The following RNF115 variants were observed in gnomAD, a reference collection of about 807,000 sequenced individuals.
RNF115 encodes ring finger protein 115.
RNF115 carries 31 observed loss-of-function variants against 39.2 expected under a neutral mutation model. The ratio of observed to expected loss-of-function variants is 0.79; its 90% CI spans 0.59 to 1.07. The LOEUF is 1.07. RNF115 is among the 50% of genes least tolerant of loss of function. RNF115 has a pLI of 0.00. For synonymous variants in RNF115, 124 were observed against 131.0 expected, an observed-to-expected ratio of 0.95 and a Z score of 0.37; for missense variants, 384 against 381.7, an observed-to-expected ratio of 1.01 and a Z score of -0.05.
At chr1:145,764,330 C>T (rs1276523310) in intron 4 of RNF115, among the ~76,000 whole-genome samples, 1 of 152,174 alleles carries the variant, frequency 6.6e-6, no homozygotes, top group African/African-American at 2.4e-5. Context: ...TCTGCCTGGC[C>T]GACACCCCGT....
chr1:145,767,060 G>A (rs1445520458), intron 4 of RNF115, among the ~76,000 whole-genome samples: 1 of 145,498 alleles, frequency 6.9e-6, no homozygotes, highest in Non-Finnish European at 1.5e-5. Context: ...GCGGCTGGCA[G>A]GGCAGGGGGC....
intron 4 of RNF115, among the ~76,000 whole-genome samples, chr1:145,757,269 G>T (rs587688970): frequency 6.6e-6 from 1 of 152,218 alleles, no homozygotes; most frequent in South Asian, 2.1e-4. Flanking sequence ...GACCTTATCA[G>T]GGTTAGGACT....
chr1:145,773,700 T>C (rs587687770), intron 3 of RNF115: 2 of 152,200 alleles, frequency 1.3e-5, no homozygotes, highest in East Asian at 3.9e-4. Flanking sequence ...TAGTTTCTCA[T>C]CCACAATAGC....
At chr1:145,803,600 C>T (rs1422421453) in intron 1 of RNF115, among the ~76,000 whole-genome samples, 2 of 152,204 alleles carry the variant, frequency 1.3e-5, no homozygotes, top group East Asian at 1.9e-4. Context: ...ATTGGCCAGG[C>T]TGGTGTTGAA....
intron 2 of RNF115, among the ~76,000 whole-genome samples, chr1:145,785,816 A>G (rs1375441515): frequency 1.3e-5 from 2 of 152,226 alleles, no homozygotes; most frequent in Non-Finnish European, 2.9e-5. Context: ...CCTGATAAGA[A>G]ACCATTTAAT....
At chr1:145,821,303 T>TA (rs1250647391) in intron 1 of RNF115, among the ~76,000 whole-genome samples, 2 of 131,028 alleles carry the variant, frequency 1.5e-5, no homozygotes, top group African/African-American at 5.2e-5. Flanking sequence ...ACAAATAATA[T>TA]ATCACACCAA....
intron 4 of RNF115, among the ~76,000 whole-genome samples, chr1:145,754,000 C>T (rs187162539): frequency 2.8e-4 from 43 of 152,250 alleles, no homozygotes; most frequent in African/African-American, 8.4e-4. Flanking sequence ...TGAGCCACCA[C>T]GCCCAGCAAT....
At chr1:145,791,643 TA>T (rs1391369217) in intron 1 of RNF115, among the ~76,000 whole-genome samples, 5 of 152,146 alleles carry the variant, frequency 3.3e-5, no homozygotes, top group African/African-American at 7.2e-5. Context: ...AAACAAGACC[TA>T]ACAATTCTCA....
Position 145,746,330 on chromosome 1 carries a change from T to C in RNF115, c.*536A>G, listed in dbSNP as rs964850472. Reference sequence around the variant, plus strand: ...TTTTCTTTGATTTGCTCTCTGGGGATCAAGACAAAACAAAATCATTAGTCT... The same window carrying C: ...TTTTCTTTGATTTGCTCTCTGGGGACCAAGACAAAACAAAATCATTAGTCT... On this transcript the variant is annotated 3_prime_UTR_variant, in exon 9 of 9. Transcript: ENST00000582693. 3 of 152,036 alleles carry C rather than the reference T, an allele frequency of 2.0e-5. No homozygotes were observed. The highest frequency in any genetic ancestry group is 7.2e-5 in the African/African-American group (3 of 41,406). The allele number at this position is 152,036 out of a possible 1,614,324, so 9.4% of individuals were successfully genotyped here.
At chr1:145,751,169 C>T (rs1658072714) in intron 6 of RNF115, among the ~76,000 whole-genome samples, 1 of 152,126 alleles carries the variant, frequency 6.6e-6, no homozygotes, top group South Asian at 2.1e-4. Flanking sequence ...GCAAGAGAGA[C>T]AAAAATACAA....
rs1034880325 is a variant in RNF115 at position 145,739,985 on chromosome 1, G to A, written c.*6881C>T. On this transcript the variant is annotated 3_prime_UTR_variant, in exon 9 of 9. Coordinates refer to ENST00000582693, the MANE Select transcript of RNF115 (RefSeq NM_014455.4). ...AATTGTTCTGAGAATCAAAATGAGA[G>A]TCTGGATTTGGGACCTAGAGCCATT... 1.3e-5 allele frequency: 2 copies of A among 152,198 alleles called. No individual in the cohort carries two copies. Among genetic ancestry groups the A allele is most frequent in the Non-Finnish European group, 2.9e-5 (2 of 68,030 alleles). The allele number at this position is 152,198 out of a possible 1,614,324, so 9.4% of individuals were successfully genotyped here. A position where few individuals can be genotyped will look rare whatever the true frequency, so the allele number is the denominator to read the frequency against.
In RNF115 at chr1:145,819,215, C is replaced by G. The variant is rs1284854467; in HGVS notation, c.102+4557G>C. ...CTTTGGGAGGCAAAGGCAGGCGGAT[C>G]GCTTGAGCCTAGGAGTTCAAGACCA... On this transcript the variant is annotated intron_variant, in intron 1 of 8. Coordinates refer to ENST00000582693, the MANE Select transcript of RNF115 (RefSeq NM_014455.4). 2.8e-5 allele frequency among the ~76,000 whole-genome samples: 4 copies of G among 142,736 alleles called. No homozygotes were observed. In the East Asian group the frequency reaches 8.7e-4, roughly 31 times the overall value. 93.6% of individuals were successfully genotyped at this position (142,736 alleles called of 152,430 possible).
intron 4 of RNF115, among the ~76,000 whole-genome samples, chr1:145,761,353 G>A (rs1553713805): frequency 6.6e-6 from 1 of 152,190 alleles, no homozygotes; most frequent in East Asian, 1.9e-4. Flanking sequence ...TCCCATCACA[G>A]GCCCAGAGAC....
rs189344936 is a variant in RNF115, at chr1:145,743,263, G to C, written c.*3603C>G. On this transcript the variant is annotated 3_prime_UTR_variant, in exon 9 of 9. Transcript: ENST00000582693. ...GTGGCCCTCATCCAATCAGTTGAAG[G>C]TCTGAATAGAACAAGTAAGGGAGAA... 5 of 152,102 alleles carry C rather than the reference G, an allele frequency of 3.3e-5. No individual in the cohort carries two copies. The highest frequency in any genetic ancestry group is 7.3e-5 in the Non-Finnish European group (5 of 68,062). The allele number at this position is 152,102 out of a possible 1,614,324, so 9.4% of individuals were successfully genotyped here. A position where few individuals can be genotyped will look rare whatever the true frequency, so the allele number is the denominator to read the frequency against.
intron 4 of RNF115, among the ~76,000 whole-genome samples, chr1:145,755,471 C>A (rs1224695118): frequency 1.3e-5 from 2 of 152,118 alleles, no homozygotes; most frequent in Non-Finnish European, 2.9e-5. Flanking sequence ...AAATCCTGGG[C>A]CAGAACCACT....
intron 4 of RNF115, among the ~76,000 whole-genome samples, chr1:145,760,910 T>A (rs1167874074): frequency 6.6e-6 from 1 of 152,196 alleles, no homozygotes; most frequent in Non-Finnish European, 1.5e-5. Context: ...CCCAAAATGC[T>A]AATAGTGATA....
At chr1:145,767,236 G>A (rs1176285147) in intron 4 of RNF115, among the ~76,000 whole-genome samples, 1 of 151,428 alleles carries the variant, frequency 6.6e-6, no homozygotes, top group Non-Finnish European at 1.5e-5. Context: ...GCCGGGCGGA[G>A]GGGCTCCTCA....
In RNF115 at chr1:145,811,922, T is replaced by C. The variant is rs1314605910; in HGVS notation, c.102+11850A>G. On this transcript the variant is annotated intron_variant, in intron 1 of 8. Transcript: ENST00000582693. ...AAAAAAAAAAAAATATATATATATA[T>C]ATATATATATACACACACACACATA... Among the ~76,000 whole-genome samples the C allele has an allele frequency of 8.9e-5, 10 of 112,478 alleles. 1 individual carries two copies. Among genetic ancestry groups the C allele is most frequent in the South Asian group, 5.6e-4 (2 of 3,602 alleles). The allele number at this position is 112,478 out of a possible 152,430, so 73.8% of individuals were successfully genotyped here. A position where few individuals can be genotyped will look rare whatever the true frequency, so the allele number is the denominator to read the frequency against.
intron 1 of RNF115, among the ~76,000 whole-genome samples, chr1:145,797,770 A>T (rs782800024): frequency 1.2e-4 from 18 of 152,112 alleles, no homozygotes; most frequent in Non-Finnish European, 2.4e-4. Flanking sequence ...AGTGCACAAG[A>T]ATAGTTCCAA....
Sources: allele counts gnomAD v4.1 joint callset (sites outside exome capture counted in the v4.1 genomes callset), GRCh38; gene constraint gnomAD v4.1.1; transcripts MANE v1.5; gene names NCBI Gene and HGNC (gene_info 2026-07-23, HGNC 2026-07-21).